PEPD: variants seen among roughly 807,000 people sequenced by gnomAD.
PEPD encodes the protein xaa-Pro dipeptidase.
In PEPD, 53 loss-of-function variants were observed where a neutral mutation model predicts 60.7. The ratio of observed to expected loss-of-function variants is 0.87; its 90% CI spans 0.70 to 1.10. The LOEUF (loss-of-function observed/expected upper bound fraction) is 1.10. PEPD is among the 50% of genes least tolerant of loss of function. PEPD has a pLI of 0.00. For missense variants in PEPD, 711 were observed against 711.9 expected (o/e 1.00, Z 0.01); for synonymous variants, 267 against 284.1 (o/e 0.94, Z 0.60).
intron 6 of PEPD, among the ~76,000 whole-genome samples, chr19:33,488,606 G>A (rs1444904330): frequency 6.6e-6 from 1 of 152,164 alleles, no homozygotes; most frequent in Non-Finnish European, 1.5e-5. Context: ...GCTGCCAGGC[G>A]TGGGAGGCGG....
At chr19:33,510,319 G>A (rs528172491) in intron 3 of PEPD, among the ~76,000 whole-genome samples, 54 of 152,134 alleles carry the variant, frequency 3.5e-4, no homozygotes, top group Non-Finnish European at 6.0e-4. Context: ...AAGGAAGGGA[G>A]AAGACAGAAG....
At chr19:33,503,632 G>T (rs997910902) in intron 3 of PEPD, among the ~76,000 whole-genome samples, 1 of 152,164 alleles carries the variant, frequency 6.6e-6, no homozygotes, top group African/African-American at 2.4e-5. Context: ...ACAAAAGCAG[G>T]TGTCAGAAAT....
intron 6 of PEPD, among the ~76,000 whole-genome samples, chr19:33,478,773 C>T (rs1289082569): frequency 6.6e-6 from 1 of 151,266 alleles, no homozygotes; most frequent in African/African-American, 2.4e-5. Flanking sequence ...ATAAGCAAAA[C>T]CCAAGAGAAT....
chr19:33,409,270 C>G (rs542707505), intron 11 of PEPD, among the ~76,000 whole-genome samples: 4 of 152,374 alleles, frequency 2.6e-5, no homozygotes, highest in Non-Finnish European at 4.4e-5. Context: ...GAAGTGCCCC[C>G]TGGACTGTGG....
intron 9 of PEPD, among the ~76,000 whole-genome samples, chr19:33,434,780 G>C (rs954683255): frequency 6.6e-6 from 1 of 152,134 alleles, no homozygotes. Context: ...CCTTGGGAAC[G>C]GGGCCAGAAC....
intron 1 of PEPD, among the ~76,000 whole-genome samples, chr19:33,514,806 T>G (rs967278344): frequency 6.6e-6 from 1 of 151,880 alleles, no homozygotes; most frequent in Non-Finnish European, 1.5e-5. Context: ...CCCTGCTGGG[T>G]TTCTGACCAG....
Position 33,513,794 on chromosome 19 carries a change from C to T in PEPD, c.18-1018G>A, listed in dbSNP as rs36117943. Among the ~76,000 whole-genome samples the T allele has an allele frequency of 7.1e-3, 1,080 of 152,286 alleles. 19 individuals are homozygous for T. The highest frequency in any genetic ancestry group is 0.025 in the African/African-American group (1,029 of 41,554). On this transcript the variant is annotated intron_variant, in intron 1 of 14. Transcript: ENST00000244137. Reference sequence around the variant, plus strand: ...CGGGCATCCTCGCTCTTCCCTAAACCCCCAGAACACTCCAGCCTTTGCCGC... The same window carrying T: ...CGGGCATCCTCGCTCTTCCCTAAACTCCCAGAACACTCCAGCCTTTGCCGC...
At chr19:33,470,009 G>A (rs1457037319) in intron 7 of PEPD, among the ~76,000 whole-genome samples, 4 of 151,242 alleles carry the variant, frequency 2.6e-5, no homozygotes, top group Non-Finnish European at 5.9e-5. Flanking sequence ...AACCCCCACC[G>A]TGCCCCCATC....
At chr19:33,483,562 C>T (rs1260786655) in intron 6 of PEPD, among the ~76,000 whole-genome samples, 1 of 152,204 alleles carries the variant, frequency 6.6e-6, no homozygotes, top group Non-Finnish European at 1.5e-5. Flanking sequence ...GTAATCCCAA[C>T]AGTTTGGGAG....
At chr19:33,408,895 G>A (rs1322995037) in intron 11 of PEPD, among the ~76,000 whole-genome samples, 4 of 152,236 alleles carry the variant, frequency 2.6e-5, no homozygotes, top group Admixed American at 2.6e-4. Flanking sequence ...CAGCAATCTG[G>A]CAGTAGCAGT....
chr19:33,406,989 C>G (rs574319555), intron 11 of PEPD, among the ~76,000 whole-genome samples: 6 of 152,288 alleles, frequency 3.9e-5, no homozygotes, highest in Admixed American at 3.3e-4. Flanking sequence ...TGAGGCCTGG[C>G]CCATCGTCCT....
At chr19:33,513,960 C>T (rs770110240) in intron 1 of PEPD, among the ~76,000 whole-genome samples, 14 of 152,192 alleles carry the variant, frequency 9.2e-5, no homozygotes, top group Non-Finnish European at 1.6e-4. Flanking sequence ...CAGCTCTCTT[C>T]GTGTCTCTCT....
intron 4 of PEPD, among the ~76,000 whole-genome samples, chr19:33,498,097 G>C: frequency 6.6e-6 from 1 of 152,030 alleles, no homozygotes; most frequent in African/African-American, 2.4e-5. Context: ...GGCTCCAAGA[G>C]AGCTCTAGTG....
chr19:33,470,728 C>T (rs2145285522), intron 7 of PEPD, among the ~76,000 whole-genome samples: 1 of 152,316 alleles, frequency 6.6e-6, no homozygotes, highest in Middle Eastern at 3.4e-3. Flanking sequence ...TCATTTCCAA[C>T]AAGGAGAGCT....
intron 9 of PEPD, among the ~76,000 whole-genome samples, chr19:33,432,484 A>C (rs1208784982): frequency 6.6e-6 from 1 of 151,884 alleles, no homozygotes; most frequent in Non-Finnish European, 1.5e-5. Context: ...TCAGGTTTCC[A>C]CTGCAGACAG....
intron 7 of PEPD, among the ~76,000 whole-genome samples, chr19:33,475,529 T>C (rs1447049487): frequency 1.3e-5 from 2 of 152,102 alleles, no homozygotes; most frequent in African/African-American, 4.8e-5. Context: ...CTTGCTTTAA[T>C]AAAGTTGGGA....
chr19:33,464,556 G>C (rs1969986002), intron 7 of PEPD, among the ~76,000 whole-genome samples: 1 of 152,338 alleles, frequency 6.6e-6, no homozygotes, highest in Middle Eastern at 3.4e-3. Flanking sequence ...TCAGGTGAAG[G>C]GACAGAAGCC....
At chr19:33,514,823 C>T (rs1006821268) in intron 1 of PEPD, among the ~76,000 whole-genome samples, 5 of 152,006 alleles carry the variant, frequency 3.3e-5, no homozygotes, top group African/African-American at 1.2e-4. Flanking sequence ...CCAGGTTCCC[C>T]ACTCTTCTTT....
At chr19:33,443,850 A>G (rs1969536080) in intron 9 of PEPD, among the ~76,000 whole-genome samples, 1 of 152,182 alleles carries the variant, frequency 6.6e-6, no homozygotes, top group Non-Finnish European at 1.5e-5. Context: ...TAATGGGTGT[A>G]CATATCACAC....
Sources: allele counts gnomAD v4.1 joint callset (sites outside exome capture counted in the v4.1 genomes callset), GRCh38; gene constraint gnomAD v4.1.1; transcripts MANE v1.5; gene names NCBI Gene and HGNC (gene_info 2026-07-23, HGNC 2026-07-21).